Variants in ADAMTS20 observed in about 807,000 individuals in gnomAD.
ADAMTS20 encodes the protein A disintegrin and metalloproteinase with thrombospondin motifs 20.
Under a neutral mutation model 260.1 loss-of-function variants are expected in ADAMTS20, and 225 were observed. That is an observed-to-expected ratio of 0.87 (90% CI 0.78 to 0.97). ADAMTS20 has a LOEUF of 0.97. Ranked by LOEUF, ADAMTS20 falls within the 50% of genes least tolerant of loss-of-function variation. ADAMTS20 has a pLI of 0.00. For synonymous variants in ADAMTS20, 802 were observed against 769.5 expected, an observed-to-expected ratio of 1.04 and a Z score of -0.70; for missense variants, 2,400 against 2,337.7, an observed-to-expected ratio of 1.03 and a Z score of -0.55.
At chr12:43,461,256 G>C (rs969343819) in intron 11 of ADAMTS20, among the ~76,000 whole-genome samples, 3 of 151,538 alleles carry the variant, frequency 2.0e-5, no homozygotes, top group African/African-American at 7.3e-5. Context: ...CTCCCAAAGT[G>C]CTGGGATTAC....
At chr12:43,460,988 A>ATATATATATATCTTTTT in intron 11 of ADAMTS20, among the ~76,000 whole-genome samples, 1 of 26,396 alleles carries the variant, frequency 3.8e-5, no homozygotes, top group Non-Finnish European at 6.7e-5. Flanking sequence ...ATATATATAT[A>ATATATATATATCTTTTT]TTTTTTTTTT....
At chr12:43,457,579 C>G (rs1017183544) in intron 11 of ADAMTS20, among the ~76,000 whole-genome samples, 2 of 152,218 alleles carry the variant, frequency 1.3e-5, no homozygotes, top group Non-Finnish European at 2.9e-5. Context: ...AACTCAAAAC[C>G]TACTTTTACC....
At chr12:43,396,328 A>C (rs1250804761) in intron 29 of ADAMTS20, among the ~76,000 whole-genome samples, 1 of 152,168 alleles carries the variant, frequency 6.6e-6, no homozygotes, top group Non-Finnish European at 1.5e-5. Context: ...ATAGTAATAA[A>C]ATGAAATTAT....
intron 2 of ADAMTS20, among the ~76,000 whole-genome samples, chr12:43,533,282 G>C (rs1943251241): frequency 6.7e-6 from 1 of 149,060 alleles, no homozygotes; most frequent in Non-Finnish European, 1.5e-5. Context: ...TAGTGGTTTT[G>C]ATTTGCATTT....
chr12:43,399,931 A>G (rs1406880826), intron 28 of ADAMTS20, among the ~76,000 whole-genome samples: 3 of 152,126 alleles, frequency 2.0e-5, no homozygotes, highest in African/African-American at 4.8e-5. Flanking sequence ...GGGCTCTGGC[A>G]TTGAGTATCA....
chr12:43,483,251 C>T (rs1388441543), intron 7 of ADAMTS20, among the ~76,000 whole-genome samples: 1 of 152,090 alleles, frequency 6.6e-6, no homozygotes, highest in Non-Finnish European at 1.5e-5. Flanking sequence ...GCAAGATTCA[C>T]GGTAGCCTGG....
At chr12:43,537,472 T>G (rs1012221449) in intron 2 of ADAMTS20, among the ~76,000 whole-genome samples, 5 of 152,124 alleles carry the variant, frequency 3.3e-5, no homozygotes, top group South Asian at 2.1e-4. Context: ...GAATGGGATA[T>G]CCACCTCCTG....
intron 37 of ADAMTS20, among the ~76,000 whole-genome samples, chr12:43,359,472 A>C (rs916847673): frequency 5.3e-5 from 8 of 152,192 alleles, no homozygotes; most frequent in African/African-American, 1.9e-4. Flanking sequence ...CAAATTTTCC[A>C]CCCAGAATCT....
At chr12:43,529,915 T>A (rs951452872) in intron 3 of ADAMTS20, among the ~76,000 whole-genome samples, 5 of 152,172 alleles carry the variant, frequency 3.3e-5, no homozygotes, top group Admixed American at 3.3e-4. Context: ...TGCTCCACTT[T>A]TACTAAAATA....
intron 28 of ADAMTS20, among the ~76,000 whole-genome samples, chr12:43,406,859 T>C (rs529173602): frequency 2.0e-5 from 3 of 152,140 alleles, no homozygotes; most frequent in South Asian, 4.1e-4. Flanking sequence ...TAGTAGGATA[T>C]ATTTCTGCTT....
rs1277289060 is a variant in ADAMTS20 at position 43,464,702 on chromosome 12, T to C, written c.1398A>G (p.Lys466=). ...GCAGATTATATATTTCTTCATCTGG[T>C]TTGTCAAGAAGACATTCCCCGTAAC... ...DTGYGECLLD[K]PDEEIYNLPS... is the part of the protein sequence containing the mutation. The change falls in exon 10 of 39, where the codon AAA becomes AAG. Residue 466 remains lysine, a synonymous_variant. Coordinates refer to ENST00000389420, the MANE Select transcript of ADAMTS20 (RefSeq NM_025003.5). The C allele has an allele frequency of 6.2e-7, 1 of 1,613,094 alleles. No individual in the cohort carries two copies. The highest frequency in any genetic ancestry group is 8.5e-7 in the Non-Finnish European group (1 of 1,179,398).
At position 43,354,308 on chromosome 12, in the gene ADAMTS20, GGAA is replaced by G. The variant is rs1565661177; in HGVS notation, c.5644-13_5644-11del. On this transcript the variant is annotated splice_polypyrimidine_tract_variant and intron_variant, in intron 38 of 38. Coordinates refer to ENST00000389420, the MANE Select transcript of ADAMTS20 (RefSeq NM_025003.5). Reference sequence around the variant, plus strand: ...AAAATCTAGTTCCATCCTGAAAATCGGAAGAAGAAATACAGAAGAATCTTATAC... The same window carrying G: ...AAAATCTAGTTCCATCCTGAAAATCGGAAGAAATACAGAAGAATCTTATAC... The G allele has an allele frequency of 1.9e-6, 3 of 1,566,874 alleles. No homozygotes were observed. Among genetic ancestry groups the G allele is most frequent in the Non-Finnish European group, 8.7e-7 (1 of 1,152,044 alleles).
intron 2 of ADAMTS20, among the ~76,000 whole-genome samples, chr12:43,537,534 ATTCT>A (rs1943313684): frequency 6.6e-6 from 1 of 152,156 alleles, no homozygotes; most frequent in African/African-American, 2.4e-5. Context: ...ATCCAATTAC[ATTCT>A]TTAAGTTATT....
chr12:43,381,780 CAA>C (rs765135656), intron 31 of ADAMTS20, among the ~76,000 whole-genome samples: 19 of 34,524 alleles, frequency 5.5e-4, no homozygotes, highest in Middle Eastern at 0.025. Flanking sequence ...GACTGCATCT[CAA>C]AAAAAAAAAA....
At chr12:43,371,166 T>A (rs1222974957) in intron 36 of ADAMTS20, among the ~76,000 whole-genome samples, 1 of 152,230 alleles carries the variant, frequency 6.6e-6, no homozygotes, top group Non-Finnish European at 1.5e-5. Context: ...AGACTGCTTT[T>A]TATTCTCTGA....
Position 43,432,564 on chromosome 12 carries a change from AG to A in ADAMTS20, c.2931+36del, listed in dbSNP as rs1252514074. ...AACATAAATACGTAATTAGAAAGAA[AG>A]GGGCAACTTTTTTTAAGCAATCATT... On this transcript the variant is annotated intron_variant, in intron 20 of 38. Coordinates refer to ENST00000389420, the MANE Select transcript of ADAMTS20 (RefSeq NM_025003.5). 3 of 1,606,314 alleles carry A rather than the reference AG, an allele frequency of 1.9e-6. No homozygotes were observed. The Admixed American group carries it at 5.1e-5, about 27-fold the overall frequency.
chr12:43,532,264 C>A, intron 2 of ADAMTS20, 69 bp from the exon 3 acceptor site: 1 of 1,403,224 alleles, frequency 7.1e-7, no homozygotes, highest in Non-Finnish European at 9.7e-7. Context: ...CATAGTACCA[C>A]AGGTTAAATG....
intron 6 of ADAMTS20, among the ~76,000 whole-genome samples, 198 bp downstream of exon 6, chr12:43,492,307 G>A (rs1178014940): frequency 6.6e-6 from 1 of 151,822 alleles, no homozygotes; most frequent in Non-Finnish European, 1.5e-5. Flanking sequence ...GTGAACCCAG[G>A]AGGCGGAGCT....
intron 37 of ADAMTS20, among the ~76,000 whole-genome samples, chr12:43,368,471 C>T (rs1940034961): frequency 6.6e-6 from 1 of 152,136 alleles, no homozygotes; most frequent in South Asian, 2.1e-4. Context: ...AGAAAATGTC[C>T]TCTCTTCCTA....
Sources: gnomAD v4.1 joint callset for allele counts (sites outside exome capture counted in the v4.1 genomes callset) on GRCh38, gnomAD v4.1.1 for gene constraint, MANE v1.5 for transcripts, NCBI Gene and HGNC (gene_info 2026-07-23, HGNC 2026-07-21) for gene names.